The following CLASP1 variants were observed in gnomAD, a reference collection of about 807,000 sequenced individuals.
The protein encoded by CLASP1 is cytoplasmic linker associated protein 1.
CLASP1 carries 38 observed loss-of-function variants against 192.3 expected under a neutral mutation model. The observed-to-expected ratio is 0.20, with a 90% confidence interval of 0.15 to 0.26. CLASP1 has a LOEUF of 0.26. Among genes scored for constraint, CLASP1 ranks in the 10% least tolerant of loss-of-function variants. The probability of loss-of-function intolerance (pLI) is 1.00; values close to 1 mark genes in which losing one functional copy is unlikely to be tolerated. For synonymous variants in CLASP1, 691 were observed against 712.8 expected (o/e 0.97, Z 0.49); for missense variants, 1,433 against 1,932.5 (o/e 0.74, Z 4.85).
chr2:121,338,630 G>C (rs544524698), exon 40 of CLASP1: 1 of 152,292 alleles, frequency 6.6e-6, no homozygotes, highest in Admixed American at 6.5e-5. Flanking sequence ...TCCTCGGCGC[G>C]GCGGCAGCAG....
At chr2:121,522,577 A>G (rs1342136587) in intron 6 of CLASP1, among the ~76,000 whole-genome samples, 2 of 152,246 alleles carry the variant, frequency 1.3e-5, no homozygotes, top group Non-Finnish European at 2.9e-5. Flanking sequence ...TTTTAAAATT[A>G]TACAATCTAT....
intron 37 of CLASP1, among the ~76,000 whole-genome samples, chr2:121,359,714 T>C (rs920173661): frequency 3.6e-4 from 55 of 152,182 alleles, no homozygotes; most frequent in African/African-American, 1.3e-3. Flanking sequence ...AGTTAGATAA[T>C]GAAAGAGACT....
chr2:121,426,157 A>G (rs2080337194), intron 21 of CLASP1, among the ~76,000 whole-genome samples: 1 of 152,190 alleles, frequency 6.6e-6, no homozygotes, highest in Non-Finnish European at 1.5e-5. Context: ...AAAAAAGAAC[A>G]AAAAAGAAAA....
At chr2:121,593,418 G>C (rs1383986701) in intron 2 of CLASP1, among the ~76,000 whole-genome samples, 1 of 150,778 alleles carries the variant, frequency 6.6e-6, no homozygotes, top group East Asian at 2.0e-4. Flanking sequence ...TCAGGAGTTC[G>C]AGACCAGCCT....
intron 1 of CLASP1, among the ~76,000 whole-genome samples, chr2:121,632,210 C>T (rs1445568758): frequency 1.3e-5 from 2 of 152,112 alleles, no homozygotes; most frequent in Non-Finnish European, 2.9e-5. Context: ...TGCCACTGTA[C>T]TCTAGCCTGG....
chr2:121,478,848 C>CACCACACCA (rs1559368241), intron 8 of CLASP1, among the ~76,000 whole-genome samples: 1 of 26,376 alleles, frequency 3.8e-5, no homozygotes, highest in African/African-American at 1.4e-4. Flanking sequence ...CACACACACA[C>CACCACACCA]CACACACCAC....
chr2:121,469,880 T>G, exon 9 of CLASP1: 1 of 1,613,928 alleles, frequency 6.2e-7, no homozygotes, highest in Non-Finnish European at 8.5e-7. Context: ...CTCCGAGAAC[T>G]TGGTGGAGCC....
chr2:121,622,238 C>G (rs993119879), intron 1 of CLASP1, among the ~76,000 whole-genome samples: 2 of 152,006 alleles, frequency 1.3e-5, no homozygotes, highest in African/African-American at 4.8e-5. Flanking sequence ...GAGTATCTTT[C>G]CATTTATTTA....
At chr2:121,390,962 G>A (rs758161230) in intron 30 of CLASP1, among the ~76,000 whole-genome samples, 1 of 152,044 alleles carries the variant, frequency 6.6e-6, no homozygotes, top group Non-Finnish European at 1.5e-5. Context: ...GGGACTACAG[G>A]CGTGTGCCAC....
chr2:121,534,549 T>C (rs113668196), intron 2 of CLASP1, among the ~76,000 whole-genome samples: 46 of 152,302 alleles, frequency 3.0e-4, no homozygotes, highest in African/African-American at 1.1e-3. Flanking sequence ...TTGTTGTTTG[T>C]TTTTTTGAGA....
intron 23 of CLASP1, among the ~76,000 whole-genome samples, chr2:121,417,832 A>T (rs1215220436): frequency 6.6e-6 from 1 of 152,210 alleles, no homozygotes; most frequent in Non-Finnish European, 1.5e-5. Flanking sequence ...TCGTAGTGGC[A>T]TGTATAGTTT....
intron 36 of CLASP1, chr2:121,364,859 T>C (rs1364550752): frequency 3.7e-6 from 2 of 537,580 alleles, no homozygotes; most frequent in African/African-American, 3.8e-5. Flanking sequence ...TTTCCTCAAC[T>C]ACTATAAACC....
At chr2:121,596,107 C>T (rs751431534) in intron 2 of CLASP1, among the ~76,000 whole-genome samples, 16 of 152,196 alleles carry the variant, frequency 1.1e-4, no homozygotes, top group African/African-American at 1.7e-4. Flanking sequence ...TAGGTAAACA[C>T]ATTTAGGAAG....
intron 22 of CLASP1, among the ~76,000 whole-genome samples, chr2:121,420,548 C>T (rs543961895): frequency 5.3e-5 from 8 of 152,196 alleles, no homozygotes; most frequent in Admixed American, 1.3e-4. Context: ...ATTAGGAAAA[C>T]GAGGAAAAAG....
At chr2:121,402,453 G>A (rs979936898) in intron 26 of CLASP1, 33 of 410,206 alleles carry the variant, frequency 8.0e-5, no homozygotes, top group South Asian at 2.4e-4. Flanking sequence ...ACCCTATACC[G>A]CCTCATTTCT....
At chr2:121,644,784 C>T (rs1325401349) in intron 1 of CLASP1, among the ~76,000 whole-genome samples, 1 of 152,030 alleles carries the variant, frequency 6.6e-6, no homozygotes, top group East Asian at 1.9e-4. Flanking sequence ...CTCTACAAAA[C>T]ACTTCTAAAA....
intron 8 of CLASP1, among the ~76,000 whole-genome samples, chr2:121,499,377 T>C (rs2093654150): frequency 1.3e-5 from 2 of 152,044 alleles, no homozygotes; most frequent in South Asian, 4.2e-4. Flanking sequence ...GGCAAATCCA[T>C]AAAGACAGAA....
chr2:121,521,875 G>T (rs1029729828), intron 6 of CLASP1, among the ~76,000 whole-genome samples: 7 of 152,138 alleles, frequency 4.6e-5, no homozygotes, highest in African/African-American at 1.7e-4. Flanking sequence ...TGGCAAATAA[G>T]GGAAAGTCAT....
intron 8 of CLASP1, among the ~76,000 whole-genome samples, chr2:121,492,687 AAAC>A (rs1263574958): frequency 2.6e-5 from 4 of 151,986 alleles, no homozygotes; most frequent in Non-Finnish European, 1.5e-5. Context: ...AAAAAAAAAA[AAAC>A]AAGCATTGCC....
Sources: allele counts gnomAD v4.1 joint callset (sites outside exome capture counted in the v4.1 genomes callset), GRCh38; gene constraint gnomAD v4.1.1; transcripts MANE v1.5; gene names NCBI Gene and HGNC (gene_info 2026-07-23, HGNC 2026-07-21).